Variants in SLC39A11 observed in about 807,000 individuals in gnomAD.
SLC39A11 encodes the protein zinc transporter ZIP11.
Under a neutral mutation model 36.1 loss-of-function variants are expected in SLC39A11, and 33 were observed. The ratio of observed to expected loss-of-function variants is 0.91; its 90% CI spans 0.69 to 1.22. The LOEUF is 1.22. Ranked by LOEUF, SLC39A11 falls within the 50% of genes most tolerant of loss-of-function variation. SLC39A11 has a pLI of 0.00. For synonymous variants in SLC39A11, 166 were observed against 170.3 expected (o/e 0.97, Z 0.20); for missense variants, 432 against 430.3 (o/e 1.00, Z -0.03).
At chr17:73,073,793 T>C (rs1259450107) in intron 3 of SLC39A11, 1 of 152,080 alleles carries the variant, frequency 6.6e-6, no homozygotes, top group Admixed American at 6.6e-5. Context: ...GAGGTCACCA[T>C]CCCAGGGAGG....
intron 5 of SLC39A11, among the ~76,000 whole-genome samples, chr17:72,891,753 A>G (rs969226506): frequency 6.6e-6 from 1 of 151,954 alleles, no homozygotes; most frequent in Non-Finnish European, 1.5e-5. Context: ...CATATATAAT[A>G]TAAAGCCAAT....
intron 3 of SLC39A11, among the ~76,000 whole-genome samples, chr17:73,050,671 G>A (rs2059466952): frequency 6.6e-6 from 1 of 152,036 alleles, no homozygotes; most frequent in South Asian, 2.1e-4. Flanking sequence ...CACCATGTTG[G>A]CCAGGCTGGT....
At chr17:72,793,583 C>A (rs1442490347) in intron 6 of SLC39A11, among the ~76,000 whole-genome samples, 1 of 152,012 alleles carries the variant, frequency 6.6e-6, no homozygotes, top group Admixed American at 6.6e-5. Flanking sequence ...GAGGGAAATG[C>A]TTCTTTTTTT....
intron 3 of SLC39A11, among the ~76,000 whole-genome samples, chr17:73,084,211 G>A (rs2060640128): frequency 2.0e-5 from 3 of 152,064 alleles, no homozygotes; most frequent in South Asian, 2.1e-4. Flanking sequence ...GCCTAGGCAG[G>A]TGGATCACTT....
chr17:72,797,571 G>A (rs908119302), intron 6 of SLC39A11, among the ~76,000 whole-genome samples: 4 of 152,084 alleles, frequency 2.6e-5, no homozygotes, highest in African/African-American at 9.7e-5. Flanking sequence ...GTTGAGGAGG[G>A]CGAATTGACT....
At chr17:73,009,955 A>T (rs1169808068) in intron 4 of SLC39A11, among the ~76,000 whole-genome samples, 1 of 151,348 alleles carries the variant, frequency 6.6e-6, no homozygotes, top group African/African-American at 2.4e-5. Flanking sequence ...TTCTCATCGA[A>T]TACAACAAAT....
chr17:72,773,644 T>TACACACAC (rs550889404), intron 6 of SLC39A11, among the ~76,000 whole-genome samples: 907 of 78,830 alleles, frequency 0.012, 2 homozygotes, highest in East Asian at 0.018. Context: ...GAGACCATCT[T>TACACACAC]ACACACACAC....
intron 5 of SLC39A11, among the ~76,000 whole-genome samples, chr17:72,909,750 C>CTTTTT (rs56091262): frequency 6.9e-6 from 1 of 144,654 alleles, no homozygotes; most frequent in Non-Finnish European, 1.5e-5. Context: ...TTTCTTTTTT[C>CTTTTT]TTTTTTTTTT....
At chr17:72,735,884 A>T (rs936912372) in intron 7 of SLC39A11, among the ~76,000 whole-genome samples, 3 of 152,180 alleles carry the variant, frequency 2.0e-5, no homozygotes, top group African/African-American at 7.2e-5. Flanking sequence ...AAGAGCAAAG[A>T]ATTTACAAGG....
intron 1 of SLC39A11, 23 bp downstream of exon 1, chr17:73,092,588 G>C (rs1307552533): frequency 6.5e-6 from 1 of 152,744 alleles, no homozygotes; most frequent in East Asian, 1.9e-4. Context: ...CAAAGGCACC[G>C]AAGGAGAGAA....
rs568313652 is a variant in SLC39A11, at chr17:72,867,478, C to T, written c.431-17674G>A. On this transcript the variant is annotated intron_variant, in intron 5 of 9. Coordinates refer to ENST00000255559, the MANE Select transcript of SLC39A11 (RefSeq NM_139177.4). ...TCGCGCCACTGTACTCCAGCCTGGG[C>T]GACTGCGTGAGCCTCCATCTCAATA... Among the ~76,000 whole-genome samples the T allele has an allele frequency of 7.9e-5, 12 of 152,124 alleles. No homozygotes were observed. The South Asian group carries it at 1.0e-3, about 13-fold the overall frequency.
At chr17:72,760,361 A>G (rs2075531321) in intron 6 of SLC39A11, among the ~76,000 whole-genome samples, 1 of 152,230 alleles carries the variant, frequency 6.6e-6, no homozygotes, top group African/African-American at 2.4e-5. Flanking sequence ...GGCTATTTAG[A>G]AAAGACATCC....
intron 5 of SLC39A11, among the ~76,000 whole-genome samples, chr17:72,899,753 C>T (rs759996488): frequency 1.3e-5 from 2 of 151,966 alleles, no homozygotes; most frequent in South Asian, 2.1e-4. Context: ...CTTGAGGTCA[C>T]GAGTTTGAGG....
At chr17:72,894,050 T>C (rs764653567) in intron 5 of SLC39A11, among the ~76,000 whole-genome samples, 3 of 151,916 alleles carry the variant, frequency 2.0e-5, no homozygotes, top group Non-Finnish European at 2.9e-5. Context: ...AAATAACCAA[T>C]GCTCATGATA....
intron 6 of SLC39A11, among the ~76,000 whole-genome samples, chr17:72,794,322 G>A (rs1430295223): frequency 1.3e-5 from 2 of 152,134 alleles, no homozygotes; most frequent in African/African-American, 2.4e-5. Flanking sequence ...GAATACAGCA[G>A]AGGCAACCAG....
chr17:72,840,165 CTT>C, intron 6 of SLC39A11, among the ~76,000 whole-genome samples: 1 of 152,158 alleles, frequency 6.6e-6, no homozygotes, highest in South Asian at 2.1e-4. Flanking sequence ...CCAAGCATTT[CTT>C]TGAAAGCCAT....
At chr17:72,757,122 C>A (rs970375481) in intron 6 of SLC39A11, among the ~76,000 whole-genome samples, 2 of 151,866 alleles carry the variant, frequency 1.3e-5, no homozygotes, top group Non-Finnish European at 2.9e-5. Context: ...GCCGAGATCA[C>A]GCCACTGCAC....
chr17:72,895,540 T>C (rs1303968076), intron 5 of SLC39A11, among the ~76,000 whole-genome samples: 1 of 151,600 alleles, frequency 6.6e-6, no homozygotes, highest in African/African-American at 2.4e-5. Flanking sequence ...GATAGTGCCA[T>C]TGCATTCCAG....
At chr17:72,950,481 C>T (rs1034332885) in intron 4 of SLC39A11, among the ~76,000 whole-genome samples, 3 of 152,180 alleles carry the variant, frequency 2.0e-5, no homozygotes, top group African/African-American at 7.2e-5. Context: ...ATGCCACGGG[C>T]CATGGAGTCA....
Sources: gnomAD v4.1 joint callset for allele counts (sites outside exome capture counted in the v4.1 genomes callset) on GRCh38, gnomAD v4.1.1 for gene constraint, MANE v1.5 for transcripts, NCBI Gene and HGNC (gene_info 2026-07-23, HGNC 2026-07-21) for gene names.